Variants in C6 observed in about 807,000 individuals in gnomAD.
C6 encodes the protein complement component C6.
A neutral mutation model predicts 112.9 loss-of-function variants in C6; 101 were observed. That is an observed-to-expected ratio of 0.89 (90% CI 0.76 to 1.06). C6 has a LOEUF of 1.06. Among genes scored for constraint, C6 ranks in the 50% least tolerant of loss-of-function variants. C6 has a pLI of 0.00. For missense variants in C6, 1,202 were observed against 1,104.6 expected (o/e 1.09, Z -1.25); for synonymous variants, 431 against 384.1 (o/e 1.12, Z -1.43).
At position 41,195,867 on chromosome 5, in the gene C6, C is replaced by G. The variant is rs1452882434; in HGVS notation, c.512G>C (p.Arg171Thr). The change falls in exon 5 of 18, where the codon AGG (arginine) becomes ACG (threonine). Residue 171 changes from arginine to threonine, a missense_variant. By Grantham distance (71) the Arg-to-Thr change is moderately conservative (BLOSUM62 -1). Coordinates refer to ENST00000337836, the MANE Select transcript of C6 (RefSeq NM_000065.5). ...ENDCGDNSDERDCGRTKAVCT... is the reference protein window; with the variant it reads ...ENDCGDNSDETDCGRTKAVCT... ...TACTGCCTTTGTCCTCCCACAGTCC[C>G]TTTCATCTGAATTGTCTCCACAGTC... The G allele has an allele frequency of 1.2e-6, 2 of 1,614,022 alleles. No homozygotes were observed. The highest frequency in any genetic ancestry group is 2.2e-5 in the East Asian group (1 of 44,852).
chr5:41,248,437 TAATA>T (rs1274117824), intron 1 of C6, among the ~76,000 whole-genome samples: 2 of 152,178 alleles, frequency 1.3e-5, no homozygotes, highest in East Asian at 3.8e-4. Context: ...GACAAAGGTG[TAATA>T]TCCAGAATCC....
chr5:41,193,232 G>A (rs891846947), intron 5 of C6, among the ~76,000 whole-genome samples: 1 of 152,148 alleles, frequency 6.6e-6, no homozygotes, highest in African/African-American at 2.4e-5. Flanking sequence ...CAGGTCATGA[G>A]GAATCTATGA....
At chr5:41,238,873 AATTT>A (rs1334620430) in intron 1 of C6, among the ~76,000 whole-genome samples, 1 of 151,948 alleles carries the variant, frequency 6.6e-6, no homozygotes, top group African/African-American at 2.4e-5. Context: ...TAATATAATT[AATTT>A]AAATTGGGTT....
In C6 at chr5:41,211,925, G is replaced by C. The variant is rs889050553; in HGVS notation, c.-21+1451C>G. Among the ~76,000 whole-genome samples the C allele has an allele frequency of 7.2e-5, 11 of 152,188 alleles. No homozygotes were observed. In the East Asian group the frequency reaches 2.1e-3, roughly 29 times the overall value. Reference sequence around the variant, plus strand: ...TAACTTCCAAAAGCTTGAAAGGTATGGGTGAGTTTTATTCCAATTATCATC... The same window carrying C: ...TAACTTCCAAAAGCTTGAAAGGTATCGGTGAGTTTTATTCCAATTATCATC... On this transcript the variant is annotated intron_variant, in intron 1 of 17. Coordinates refer to ENST00000337836, the MANE Select transcript of C6 (RefSeq NM_000065.5).
At chr5:41,160,044 G>C (rs1024036068) in intron 11 of C6, 98 bp downstream of exon 11, 5 of 929,212 alleles carry the variant, frequency 5.4e-6, no homozygotes, top group Non-Finnish European at 8.7e-6. Context: ...CAAGGTGGAG[G>C]TTGCTAATAG....
chr5:41,233,958 C>T (rs1325138286), intron 1 of C6, among the ~76,000 whole-genome samples: 1 of 151,878 alleles, frequency 6.6e-6, no homozygotes, highest in Non-Finnish European at 1.5e-5. Flanking sequence ...TAAATGATTT[C>T]CACAAATATT....
chr5:41,254,911 AG>A (rs138923920), intron 1 of C6, among the ~76,000 whole-genome samples: 3,901 of 152,324 alleles, frequency 0.026, 167 homozygotes, highest in African/African-American at 0.089. Flanking sequence ...ATGAGTAGAC[AG>A]GTATAGAGGG....
chr5:41,201,626 A>G lies in C6; in HGVS notation c.232T>C (p.Cys78Arg). Residue 78 changes from cysteine to arginine, a missense_variant, in exon 3 of 18, where the codon TGC (cysteine) becomes CGC (arginine). Coordinates refer to ENST00000337836, the MANE Select transcript of C6 (RefSeq NM_000065.5). ...TCTCCCAGGAGGCAGTTGATGGGGC[A>G]TCTTTGCCAGTTACATTCTCTAGTC... ...QETRECNWQR[C>R]PINCLLGDFG... is the part of the protein sequence containing the mutation. 1 of 1,613,686 alleles carries G rather than the reference A, an allele frequency of 6.2e-7. No individual in the cohort carries two copies.
intron 1 of C6, among the ~76,000 whole-genome samples, chr5:41,244,783 T>G (rs4957383): frequency 0.36 from 54,588 of 151,944 alleles, 11,300 homozygotes; most frequent in Non-Finnish European, 0.47. Flanking sequence ...CAAAATTCAA[T>G]GAGTGAATGT....
chr5:41,150,143 C>T, intron 15 of C6, 118 bp from the exon 16 acceptor site: 1 of 737,622 alleles, frequency 1.4e-6, no homozygotes, highest in Non-Finnish European at 2.4e-6. Context: ...GGAGTTAGAT[C>T]ATTCATTTTG....
At chr5:41,255,058 T>A (rs1741599520) in intron 1 of C6, among the ~76,000 whole-genome samples, 1 of 152,068 alleles carries the variant, frequency 6.6e-6, no homozygotes, top group Non-Finnish European at 1.5e-5. Context: ...AGAAATTAAC[T>A]TTAAAAAAGG....
chr5:41,251,796 G>C (rs1458856046), intron 1 of C6, among the ~76,000 whole-genome samples: 1 of 152,174 alleles, frequency 6.6e-6, no homozygotes, highest in South Asian at 2.1e-4. Flanking sequence ...AGGTAGTTCA[G>C]GGATTTTACT....
upstream of C6, chr5:41,213,566 C>T: frequency 1.0e-6 from 1 of 985,292 alleles, no homozygotes; most frequent in Non-Finnish European, 1.2e-6. Flanking sequence ...AATAAATGTT[C>T]TCTGGAACTT....
chr5:41,161,797 C>A lies in C6; in HGVS notation c.1354G>T (p.Gly452Ter), dbSNP rs767438787. ...SLIRGGRSEY[G>*]AALAWEKGSS... Reference sequence around the variant, plus strand: ...CCTTTCTCCCATGCCAAAGCTGCTCCATATTCACTCCTTCCACCTCGAATC... The same window carrying A: ...CCTTTCTCCCATGCCAAAGCTGCTCAATATTCACTCCTTCCACCTCGAATC... Residue 452 changes from glycine (G) to a stop codon, truncating the protein, a stop_gained, in exon 10 of 18, where the codon GGA (glycine) becomes TGA (stop). Coordinates refer to ENST00000337836, the MANE Select transcript of C6 (RefSeq NM_000065.5). LOFTEE classifies it high-confidence loss of function. The A allele has an allele frequency of 3.7e-6, 6 of 1,613,688 alleles. No homozygotes were observed. The highest frequency in any genetic ancestry group is 5.1e-6 in the Non-Finnish European group (6 of 1,179,690).
chr5:41,199,938 A>G (rs906405120), intron 3 of C6, 26 bp from the exon 4 acceptor site: 5 of 1,612,920 alleles, frequency 3.1e-6, no homozygotes, highest in Non-Finnish European at 3.4e-6. Context: ...AGAAAGATAT[A>G]ACTCTGAGGC....
At chr5:41,211,687 G>A (rs2921176) in intron 1 of C6, among the ~76,000 whole-genome samples, 27,596 of 151,926 alleles carry the variant, frequency 0.18, 2,867 homozygotes, top group South Asian at 0.32. Context: ...TTCTCATACA[G>A]GGACCTTTTC....
intron 1 of C6, among the ~76,000 whole-genome samples, chr5:41,227,597 C>A (rs577950045): frequency 6.6e-6 from 1 of 152,128 alleles, no homozygotes; most frequent in South Asian, 2.1e-4. Flanking sequence ...AGTTTTCTTC[C>A]AATAGTTTCA....
intron 1 of C6, among the ~76,000 whole-genome samples, chr5:41,224,925 T>A (rs899806720): frequency 6.6e-5 from 10 of 152,200 alleles, no homozygotes; most frequent in African/African-American, 2.4e-4. Flanking sequence ...ATTTTCTTTT[T>A]TTTCTTCACA....
intron 9 of C6, among the ~76,000 whole-genome samples, chr5:41,170,254 G>A (rs1316570368): frequency 6.6e-6 from 1 of 151,392 alleles, no homozygotes; most frequent in Non-Finnish European, 1.5e-5. Context: ...TTTCCATGTT[G>A]AGATTACTTG....
Sources: allele counts gnomAD v4.1 joint callset (sites outside exome capture counted in the v4.1 genomes callset), GRCh38; gene constraint gnomAD v4.1.1; transcripts MANE v1.5; gene names NCBI Gene and HGNC (gene_info 2026-07-23, HGNC 2026-07-21).